Variants in TASP1 observed in about 807,000 individuals in gnomAD.
TASP1 encodes the protein threonine aspartase 1.
TASP1 carries 16 observed loss-of-function variants against 56.6 expected under a neutral mutation model. That is an observed-to-expected ratio of 0.28 (90% CI 0.19 to 0.43). TASP1 has a LOEUF of 0.43. Among genes scored for constraint, TASP1 ranks in the 20% least tolerant of loss-of-function variants. TASP1 has a pLI of 1.00. For missense variants in TASP1, 393 were observed against 511.6 expected (o/e 0.77, Z 2.24); for synonymous variants, 179 against 184.2 (o/e 0.97, Z 0.23).
chr20:13,221,301 C>G, the TASP1 span, among the ~76,000 whole-genome samples: 1 of 148,290 alleles, frequency 6.7e-6, no homozygotes, highest in East Asian at 2.0e-4. Context: ...GCTTCTCTGG[C>G]GGCCGCTCCC....
chr20:13,198,690 A>G, the TASP1 span, among the ~76,000 whole-genome samples: 1 of 152,148 alleles, frequency 6.6e-6, no homozygotes, highest in Non-Finnish European at 1.5e-5. Flanking sequence ...ATAAAGGGTA[A>G]CTTTGTTTTT....
At chr20:13,605,731 T>G (rs2048125025) in intron 4 of TASP1, among the ~76,000 whole-genome samples, 1 of 152,122 alleles carries the variant, frequency 6.6e-6, no homozygotes, top group Admixed American at 6.5e-5. Context: ...CATAAACTTT[T>G]TAAGCGGTCA....
the TASP1 span, among the ~76,000 whole-genome samples, chr20:13,152,545 A>C: frequency 5.9e-5 from 9 of 152,182 alleles, no homozygotes; most frequent in African/African-American, 2.2e-4. Context: ...TATCATTCTC[A>C]AGCAGGCTTC....
the TASP1 span, among the ~76,000 whole-genome samples, chr20:13,160,358 G>A: frequency 6.6e-6 from 1 of 152,208 alleles, no homozygotes; most frequent in Non-Finnish European, 1.5e-5. Flanking sequence ...TTCAATCAGT[G>A]TTTTGGTTTC....
At chr20:13,220,919 A>G in the TASP1 span, among the ~76,000 whole-genome samples, 2 of 150,376 alleles carry the variant, frequency 1.3e-5, no homozygotes, top group South Asian at 2.1e-4. Context: ...CTCAGTGTGC[A>G]CAAGGGCTCT....
chr20:13,212,970 T>A, the TASP1 span, among the ~76,000 whole-genome samples: 1 of 152,178 alleles, frequency 6.6e-6, no homozygotes, highest in African/African-American at 2.4e-5. Flanking sequence ...GATCTTGTGT[T>A]TATTAGTAAA....
chr20:13,209,868 A>T, the TASP1 span, among the ~76,000 whole-genome samples: 17 of 152,210 alleles, frequency 1.1e-4, no homozygotes, highest in Admixed American at 9.8e-4. Flanking sequence ...TGTTTATTGA[A>T]GTACAGTTTA....
chr20:13,278,853 G>A, the TASP1 span, among the ~76,000 whole-genome samples: 1 of 152,206 alleles, frequency 6.6e-6, no homozygotes, highest in African/African-American at 2.4e-5. Context: ...CGTGGGCTGA[G>A]GGACCTTGGT....
intron 12 of TASP1, among the ~76,000 whole-genome samples, chr20:13,433,520 C>CAAAAAAAAAAAAAAAAAAA (rs74746255): frequency 1.1e-5 from 1 of 89,214 alleles, no homozygotes; most frequent in African/African-American, 4.8e-5. Context: ...GACAGTATGG[C>CAAAAAAAAAAAAAAAAAAA]AAAAAAAAAA....
At chr20:13,337,410 A>G in the TASP1 span, among the ~76,000 whole-genome samples, 1 of 152,132 alleles carries the variant, frequency 6.6e-6, no homozygotes, top group Non-Finnish European at 1.5e-5. Context: ...CCTCATTCCC[A>G]AAGCATTTTA....
chr20:13,240,740 G>A, the TASP1 span, among the ~76,000 whole-genome samples: 37,721 of 152,062 alleles, frequency 0.25, 4,777 homozygotes, highest in African/African-American at 0.3. Flanking sequence ...CAGGTAAGAG[G>A]TGATGGGATG....
At chr20:13,318,249 T>A in the TASP1 span, among the ~76,000 whole-genome samples, 2 of 152,134 alleles carry the variant, frequency 1.3e-5, no homozygotes, top group East Asian at 3.8e-4. Flanking sequence ...TCACATCATA[T>A]GTCATCAGGG....
At chr20:13,288,195 G>A in the TASP1 span, among the ~76,000 whole-genome samples, 1 of 152,202 alleles carries the variant, frequency 6.6e-6, no homozygotes, top group Non-Finnish European at 1.5e-5. Context: ...GTCAATGAGA[G>A]GCTATAAGCA....
chr20:13,404,617 GTAAA>G (rs2041851498), intron 13 of TASP1, among the ~76,000 whole-genome samples: 1 of 151,560 alleles, frequency 6.6e-6, no homozygotes, highest in African/African-American at 2.4e-5. Flanking sequence ...AAGTAAGTAA[GTAAA>G]TAAATAAATT....
At chr20:13,304,723 TA>T in the TASP1 span, among the ~76,000 whole-genome samples, 2 of 152,162 alleles carry the variant, frequency 1.3e-5, no homozygotes, top group Non-Finnish European at 2.9e-5. Context: ...GGTCAATGAA[TA>T]CCCCAACTCC....
At chr20:13,221,005 C>T in the TASP1 span, among the ~76,000 whole-genome samples, 1 of 152,114 alleles carries the variant, frequency 6.6e-6, no homozygotes, top group Admixed American at 6.5e-5. Flanking sequence ...GCCGAGGGCG[C>T]CCCGGCTACC....
intron 1 of TASP1, among the ~76,000 whole-genome samples, chr20:13,634,072 T>C (rs949670959): frequency 3.9e-5 from 6 of 152,148 alleles, no homozygotes; most frequent in Non-Finnish European, 8.8e-5. Flanking sequence ...TAAAAACATA[T>C]GCTACACAAA....
At chr20:13,631,996 G>A (rs954495281) in intron 1 of TASP1, among the ~76,000 whole-genome samples, 6 of 151,876 alleles carry the variant, frequency 4.0e-5, no homozygotes, top group African/African-American at 1.5e-4. Context: ...AGGTTGCCTT[G>A]AGCTGCGATC....
chr20:13,360,758 G>C, the TASP1 span, among the ~76,000 whole-genome samples: 1 of 152,044 alleles, frequency 6.6e-6, no homozygotes, highest in Non-Finnish European at 1.5e-5. Context: ...CTCACTCCTT[G>C]TTGAGTCTCC....
Sources: gnomAD v4.1 joint callset for allele counts (sites outside exome capture counted in the v4.1 genomes callset) on GRCh38, gnomAD v4.1.1 for gene constraint, MANE v1.5 for transcripts, NCBI Gene and HGNC (gene_info 2026-07-23, HGNC 2026-07-21) for gene names.